Variants in MANBA observed in about 807,000 individuals in gnomAD.
MANBA encodes the protein beta-mannosidase.
In MANBA, 83 loss-of-function variants were observed where a neutral mutation model predicts 111.1. That is an observed-to-expected ratio of 0.75 (90% CI 0.63 to 0.90). The LOEUF is 0.90. Ranked by LOEUF, MANBA falls within the 40% of genes least tolerant of loss-of-function variation. The pLI is 0.00. For synonymous variants in MANBA, 370 were observed against 378.7 expected, an observed-to-expected ratio of 0.98 and a Z score of 0.27; for missense variants, 1,036 against 1,069.0, an observed-to-expected ratio of 0.97 and a Z score of 0.43.
At chr4:102,726,758 AATT>A in intron 1 of MANBA, 75 bp from the exon 2 acceptor site, 1 of 800,066 alleles carries the variant, frequency 1.2e-6, no homozygotes, top group Non-Finnish European at 2.2e-6. Context: ...ACATAAAATA[AATT>A]ATTAACAACA....
intron 5 of MANBA, among the ~76,000 whole-genome samples, chr4:102,710,033 T>C (rs1292382301): frequency 6.6e-6 from 1 of 152,020 alleles, no homozygotes; most frequent in Non-Finnish European, 1.5e-5. Flanking sequence ...AAGCCATATA[T>C]AAAAACCCAG....
chr4:102,643,615 TC>T (rs1260876859), intron 13 of MANBA, among the ~76,000 whole-genome samples: 10 of 152,228 alleles, frequency 6.6e-5, no homozygotes, highest in African/African-American at 2.4e-4. Context: ...AACTGGTATC[TC>T]ACTGTGGTTT....
chr4:102,716,649 T>C (rs113359386), intron 4 of MANBA, among the ~76,000 whole-genome samples: 2,281 of 152,330 alleles, frequency 0.015, 25 homozygotes, highest in African/African-American at 0.031. Flanking sequence ...TAATTTCTAC[T>C]TCTTAAAAGA....
chr4:102,702,851 A>T (rs2110260374), intron 5 of MANBA, among the ~76,000 whole-genome samples: 1 of 152,342 alleles, frequency 6.6e-6, no homozygotes, highest in Middle Eastern at 3.4e-3. Context: ...CACTTGAAAA[A>T]GCACAAAGAT....
At chr4:102,710,215 A>C (rs910990689) in intron 5 of MANBA, among the ~76,000 whole-genome samples, 1 of 152,172 alleles carries the variant, frequency 6.6e-6, no homozygotes, top group African/African-American at 2.4e-5. Flanking sequence ...AGAGGAAGTA[A>C]AATTATTCCT....
chr4:102,681,114 C>T (rs899254194), intron 7 of MANBA, among the ~76,000 whole-genome samples: 1 of 152,134 alleles, frequency 6.6e-6, no homozygotes, highest in African/African-American at 2.4e-5. Flanking sequence ...CCAGCCTGGG[C>T]AACATGGCAG....
At chr4:102,679,518 TAATA>T (rs1170277345) in intron 7 of MANBA, 2 of 152,060 alleles carry the variant, frequency 1.3e-5, no homozygotes, top group African/African-American at 4.8e-5. Flanking sequence ...TTGATTATAT[TAATA>T]TATTTAATAA....
At chr4:102,674,569 T>C (rs1358901381) in intron 7 of MANBA, among the ~76,000 whole-genome samples, 4 of 152,214 alleles carry the variant, frequency 2.6e-5, no homozygotes, top group Non-Finnish European at 5.9e-5. Flanking sequence ...TTAATCCTAA[T>C]TACACATTAA....
At chr4:102,679,441 G>A (rs1292426567) in intron 7 of MANBA, among the ~76,000 whole-genome samples, 4 of 151,808 alleles carry the variant, frequency 2.6e-5, no homozygotes, top group Non-Finnish European at 1.5e-5. Flanking sequence ...GTATAATCAC[G>A]CCAGTTTTTT....
chr4:102,633,170 A>C (rs1427308791), intron 16 of MANBA: 1 of 351,010 alleles, frequency 2.8e-6, no homozygotes, highest in African/African-American at 3.1e-5. Flanking sequence ...AGCAGAAAAG[A>C]AGCTTAATAA....
At chr4:102,726,723 A>G in intron 1 of MANBA, 40 bp from the exon 2 acceptor site, 2 of 888,458 alleles carry the variant, frequency 2.3e-6, no homozygotes, top group Non-Finnish European at 3.8e-6. Context: ...ATGGTTAAAT[A>G]TGCACAAATA....
chr4:102,702,354 A>G (rs1376533430), intron 5 of MANBA, among the ~76,000 whole-genome samples: 2 of 151,948 alleles, frequency 1.3e-5, no homozygotes, highest in South Asian at 2.1e-4. Context: ...TCTTCTCTCA[A>G]CTTGTCAAAG....
chr4:102,722,852 C>T lies in MANBA; in HGVS notation c.549+19G>A. On this transcript the variant is annotated intron_variant, in intron 4 of 16. Coordinates refer to ENST00000647097, the MANE Select transcript of MANBA (RefSeq NM_005908.4). ...CCCGTCCTCAAAAATAAAACCCGAC[C>T]TGTTTGAGAGACCATTACCTTCCGA... 6.2e-7 allele frequency: 1 copy of T among 1,612,466 alleles called. No individual in the cohort carries two copies. The highest frequency in any genetic ancestry group is 1.3e-5 in the African/African-American group (1 of 74,968).
intron 7 of MANBA, among the ~76,000 whole-genome samples, chr4:102,677,206 C>T (rs1376171430): frequency 6.6e-6 from 1 of 152,180 alleles, no homozygotes; most frequent in Non-Finnish European, 1.5e-5. Context: ...ACCTGGCAGA[C>T]ATTCTCTAGA....
Position 102,650,595 on chromosome 4 carries a change from T to C in MANBA, c.1811A>G (p.Lys604Arg), listed in dbSNP as rs762638444. ...QMLYQAGLHF[K>R]LPQSTDPLRT... ...TAATGGATCTGTGCTTTGGGGGAGT[T>C]TGAAATGAAGTCCAGCCTGATAAAG... Residue 604 changes from lysine to arginine, a missense_variant, in exon 13 of 17, where the codon AAA becomes AGA. By Grantham distance (26) the Lys-to-Arg change is conservative (BLOSUM62 2). Transcript: ENST00000647097. The C allele has an allele frequency of 6.8e-6, 11 of 1,613,468 alleles. No individual in the cohort carries two copies. Among genetic ancestry groups the C allele is most frequent in the Admixed American group, 6.7e-5 (4 of 59,980 alleles).
intron 5 of MANBA, among the ~76,000 whole-genome samples, chr4:102,696,098 C>T (rs971369418): frequency 6.6e-6 from 1 of 152,008 alleles, no homozygotes; most frequent in African/African-American, 2.4e-5. Flanking sequence ...TGTGGTGGCA[C>T]GCCTGTGGTC....
chr4:102,638,863 T>C (rs112822289), intron 14 of MANBA, among the ~76,000 whole-genome samples: 1 of 152,222 alleles, frequency 6.6e-6, no homozygotes, highest in African/African-American at 2.4e-5. Context: ...CACAGCCAGT[T>C]TAAGAGCCTC....
Position 102,657,736 on chromosome 4 carries a change from T to G in MANBA, c.1650A>C (p.Arg550=). 6.2e-7 allele frequency: 1 copy of G among 1,613,920 alleles called. No individual in the cohort carries two copies. The highest frequency in any genetic ancestry group is 8.5e-7 in the Non-Finnish European group (1 of 1,179,862). Residue 550 remains arginine, a synonymous_variant, in exon 12 of 17, where the codon CGA becomes CGC. Transcript: ENST00000647097. ...CWNWKVFPKA[R]FASEYGYQSW... is the part of the protein sequence containing the mutation. ...ACTGATATCCATATTCAGATGCAAATCGAGCTTTTGGGAAAACTTTCCAGT... is the reference window on the plus strand; with the variant it reads ...ACTGATATCCATATTCAGATGCAAAGCGAGCTTTTGGGAAAACTTTCCAGT...
intron 1 of MANBA, chr4:102,751,384 T>A: frequency 2.4e-6 from 1 of 415,094 alleles, no homozygotes; most frequent in Non-Finnish European, 4.8e-6. Context: ...CCAAAAGTCT[T>A]GTGTGTACTC....
Sources: allele counts gnomAD v4.1 joint callset (sites outside exome capture counted in the v4.1 genomes callset), GRCh38; gene constraint gnomAD v4.1.1; transcripts MANE v1.5; gene names NCBI Gene and HGNC (gene_info 2026-07-23, HGNC 2026-07-21).